Variants in MDGA2 observed in about 807,000 individuals in gnomAD.
MDGA2 encodes the protein MAM domain-containing glycosylphosphatidylinositol anchor protein 2.
A neutral mutation model predicts 117.8 loss-of-function variants in MDGA2; 40 were observed. That is an observed-to-expected ratio of 0.34 (90% CI 0.26 to 0.44). The LOEUF is 0.44. MDGA2 is among the 20% of genes least tolerant of loss of function. The pLI is 1.00. For missense variants in MDGA2, 1,123 were observed against 1,250.6 expected (o/e 0.90, Z 1.54); for synonymous variants, 452 against 439.0 (o/e 1.03, Z -0.37).
chr14:47,315,094 C>A (rs145471100), intron 1 of MDGA2, among the ~76,000 whole-genome samples: 2 of 151,912 alleles, frequency 1.3e-5, no homozygotes, highest in Non-Finnish European at 2.9e-5. Context: ...CATTTTTTCC[C>A]CCAGAGCTAA....
intron 1 of MDGA2, among the ~76,000 whole-genome samples, chr14:47,448,296 G>A (rs1893169458): frequency 6.6e-6 from 1 of 151,936 alleles, no homozygotes; most frequent in Admixed American, 6.6e-5. Flanking sequence ...GTGCTGCCAT[G>A]CTCAACTAAT....
intron 1 of MDGA2, among the ~76,000 whole-genome samples, chr14:47,332,665 T>C (rs1403160425): frequency 6.6e-6 from 1 of 151,938 alleles, no homozygotes. Flanking sequence ...AACAATTTTT[T>C]AAATTTGTAA....
chr14:47,460,048 T>A (rs1893450017), intron 1 of MDGA2, among the ~76,000 whole-genome samples: 1 of 152,168 alleles, frequency 6.6e-6, no homozygotes, highest in African/African-American at 2.4e-5. Context: ...ACTTCAAAAT[T>A]TCAAAATAAA....
At chr14:47,574,843 G>C (rs1333734803) in intron 1 of MDGA2, among the ~76,000 whole-genome samples, 1 of 152,130 alleles carries the variant, frequency 6.6e-6, no homozygotes, top group Admixed American at 6.6e-5. Flanking sequence ...CCAGTCACTA[G>C]AGCTGGAATT....
intron 8 of MDGA2, among the ~76,000 whole-genome samples, chr14:46,978,067 G>GTAA (rs1886534894): frequency 1.3e-5 from 2 of 151,706 alleles, no homozygotes; most frequent in South Asian, 4.1e-4. Context: ...TTTTCTTGAG[G>GTAA]ATTAAAGACA....
chr14:47,581,972 A>G (rs898300954), intron 1 of MDGA2, among the ~76,000 whole-genome samples: 1 of 152,002 alleles, frequency 6.6e-6, no homozygotes, highest in African/African-American at 2.4e-5. Flanking sequence ...AATAAAATGG[A>G]CCTTCAGTAA....
chr14:47,223,472 C>G (rs1886371095), intron 2 of MDGA2, among the ~76,000 whole-genome samples: 1 of 152,128 alleles, frequency 6.6e-6, no homozygotes, highest in African/African-American at 2.4e-5. Flanking sequence ...AGGCAAAAAG[C>G]AGCTGCTACT....
intron 2 of MDGA2, among the ~76,000 whole-genome samples, chr14:47,287,770 A>G (rs1429190156): frequency 6.6e-6 from 1 of 152,174 alleles, no homozygotes; most frequent in Non-Finnish European, 1.5e-5. Context: ...GTTACTCGGA[A>G]ATAAGGTGTT....
Position 47,593,130 on chromosome 14 carries a change from A to G in MDGA2, c.280+81387T>C, listed in dbSNP as rs187170117. ...ACAAAGCCAACAAACACATGAATAA[A>G]AGTTCAACGTCGCTAATTATTTGAG... On this transcript the variant is annotated intron_variant, in intron 1 of 16. Transcript: ENST00000399232. Among the ~76,000 whole-genome samples the G allele has an allele frequency of 2.0e-5, 3 of 152,344 alleles. No individual in the cohort carries two copies. In the East Asian group the frequency reaches 5.8e-4, roughly 29 times the overall value.
In MDGA2 at chr14:47,222,756, T is replaced by G. The variant is rs983436643; in HGVS notation, c.421-4561A>C. ...GACAGGCATGCTATTGAAACTTAGT[T>G]CAATACAGCTATAAATAAATTATCA... On this transcript the variant is annotated intron_variant, in intron 2 of 16. Transcript: ENST00000399232. Among the ~76,000 whole-genome samples, 6 of 152,296 alleles carry G rather than the reference T, an allele frequency of 3.9e-5. 1 individual carries two copies. Among genetic ancestry groups the G allele is most frequent in the Admixed American group, 3.9e-4 (6 of 15,298 alleles).
intron 1 of MDGA2, among the ~76,000 whole-genome samples, chr14:47,315,969 T>C (rs1889798083): frequency 6.6e-6 from 1 of 151,536 alleles, no homozygotes; most frequent in African/African-American, 2.4e-5. Flanking sequence ...AACTTTCCTC[T>C]AGTTATAAAG....
chr14:47,587,590 T>G (rs1169646781), intron 1 of MDGA2, among the ~76,000 whole-genome samples: 1 of 151,906 alleles, frequency 6.6e-6, no homozygotes, highest in African/African-American at 2.4e-5. Context: ...TAAAGAAGTC[T>G]TTCATAACAA....
chr14:46,856,086 CTTA>C (rs1221366606), intron 14 of MDGA2, among the ~76,000 whole-genome samples: 1 of 152,038 alleles, frequency 6.6e-6, no homozygotes, highest in African/African-American at 2.4e-5. Context: ...CTATGAAGTA[CTTA>C]TTATTATTAT....
intron 6 of MDGA2, among the ~76,000 whole-genome samples, chr14:47,085,708 C>T (rs1341570825): frequency 1.3e-5 from 2 of 151,330 alleles, no homozygotes; most frequent in African/African-American, 4.9e-5. Flanking sequence ...GGAATTACAA[C>T]AACTTTATAT....
intron 3 of MDGA2, among the ~76,000 whole-genome samples, chr14:47,210,095 C>G (rs1885827183): frequency 6.6e-6 from 1 of 152,144 alleles, no homozygotes; most frequent in Non-Finnish European, 1.5e-5. Context: ...CTTTCTAACA[C>G]AGGTAAATTG....
At chr14:46,877,535 C>A (rs1476383075) in intron 11 of MDGA2, 26 bp from the exon 12 acceptor site, 3 of 1,502,832 alleles carry the variant, frequency 2.0e-6, no homozygotes, top group East Asian at 2.3e-5. Context: ...AAGAAACAAA[C>A]AAACAAAAAA....
chr14:47,148,812 G>A (rs779979545), intron 3 of MDGA2, among the ~76,000 whole-genome samples: 8 of 152,134 alleles, frequency 5.3e-5, no homozygotes, highest in African/African-American at 1.2e-4. Context: ...GACAAGGATC[G>A]TGGCTTTTCA....
chr14:47,579,680 T>A (rs953118659), intron 1 of MDGA2, among the ~76,000 whole-genome samples: 1 of 152,014 alleles, frequency 6.6e-6, no homozygotes, highest in Admixed American at 6.6e-5. Flanking sequence ...AAATGAAATA[T>A]GTGTTCTCTT....
intron 1 of MDGA2, among the ~76,000 whole-genome samples, chr14:47,407,359 T>C (rs1284359368): frequency 1.3e-5 from 2 of 152,134 alleles, no homozygotes; most frequent in African/African-American, 4.8e-5. Flanking sequence ...AATGGACTCT[T>C]TGGTTTTATT....
Sources: allele counts gnomAD v4.1 joint callset (sites outside exome capture counted in the v4.1 genomes callset), GRCh38; gene constraint gnomAD v4.1.1; transcripts MANE v1.5; gene names NCBI Gene and HGNC (gene_info 2026-07-23, HGNC 2026-07-21).